The following ERC1 variants were observed in gnomAD, a reference collection of about 807,000 sequenced individuals.
The protein encoded by ERC1 is RAB6 interacting protein 2.
A neutral mutation model predicts 132.0 loss-of-function variants in ERC1; 56 were observed. That is an observed-to-expected ratio of 0.42 (90% CI 0.34 to 0.53). The LOEUF (loss-of-function observed/expected upper bound fraction) is 0.53, where lower values mean the gene tolerates loss of function less well. Among genes scored for constraint, ERC1 ranks in the 20% least tolerant of loss-of-function variants. The probability of loss-of-function intolerance (pLI) is 0.03; values close to 1 mark genes in which losing one functional copy is unlikely to be tolerated. For missense variants in ERC1, 1,202 were observed against 1,349.9 expected (o/e 0.89, Z 1.72); for synonymous variants, 478 against 476.1 (o/e 1.00, Z -0.05).
In ERC1 at chr12:1,260,307, T is replaced by C. The variant is rs539251982; in HGVS notation, c.2488-2727T>C. 6.0e-4 allele frequency among the ~76,000 whole-genome samples: 92 copies of C among 152,362 alleles called. 1 individual carries two copies. Among genetic ancestry groups the C allele is most frequent in the African/African-American group, 2.1e-3 (88 of 41,588 alleles). On this transcript the variant is annotated intron_variant, in intron 13 of 18. Coordinates refer to ENST00000360905, the MANE Select transcript of ERC1 (RefSeq NM_178040.4). ...TTAAAAACTCCAGTGTCTTCTGATTTGTTGATCTGACAAGTGATCATTTTT... is the reference window on the plus strand; with the variant it reads ...TTAAAAACTCCAGTGTCTTCTGATTCGTTGATCTGACAAGTGATCATTTTT...
At chr12:1,216,601 T>TGGGGGAGGAGGGATGGGGGG (rs1555310913) in intron 12 of ERC1, among the ~76,000 whole-genome samples, 1,215 of 8,556 alleles carry the variant, frequency 0.14, 17 homozygotes, top group African/African-American at 0.28. Context: ...CTTGGTGGGG[T>TGGGGGAGGAGGGATGGGGGG]CGGGGAGGAG....
chr12:1,371,861 G>A lies in ERC1; in HGVS notation c.2809G>A (p.Glu937Lys). ...KQEALLAAIS[E>K]KDANIALLEL... ...AGAAGCTCTTCTGGCTGCCATTAGT[G>A]AAAAAGACGCCAATATAGCTCTCTT... Residue 937 changes from glutamate to lysine, a missense_variant, in exon 16 of 19, where the codon GAA becomes AAA. Physicochemically the swap from Glu to Lys is moderately conservative, Grantham distance 56 (BLOSUM62 1). Transcript: ENST00000360905. The A allele has an allele frequency of 6.2e-7, 1 of 1,613,902 alleles. No individual in the cohort carries two copies. The highest frequency in any genetic ancestry group is 8.5e-7 in the Non-Finnish European group (1 of 1,179,976).
chr12:1,296,251 C>T (rs897995424), intron 15 of ERC1, among the ~76,000 whole-genome samples: 3 of 151,930 alleles, frequency 2.0e-5, no homozygotes, highest in African/African-American at 7.3e-5. Context: ...TTGCTTGAGC[C>T]TGGGAGATTG....
At chr12:1,327,841 ATT>A (rs113400728) in intron 15 of ERC1, among the ~76,000 whole-genome samples, 2 of 146,870 alleles carry the variant, frequency 1.4e-5, no homozygotes, top group African/African-American at 2.5e-5. Flanking sequence ...TCATCTCATC[ATT>A]TTTTTTTTTT....
Position 1,236,852 on chromosome 12 carries a change from A to G in ERC1, c.2435A>G (p.Glu812Gly), listed in dbSNP as rs1285306634. 3 of 1,614,018 alleles carry G rather than the reference A, an allele frequency of 1.9e-6. No homozygotes were observed. Among genetic ancestry groups the G allele is most frequent in the Non-Finnish European group, 2.5e-6 (3 of 1,180,012 alleles). ...AAAAAGAAGAGTGCACAAATGTTAG[A>G]GGAGGCGCGACGACGGGAGGACAAT... ...VEKKKSAQMLEEARRREDNLN... is the reference protein window; with the variant it reads ...VEKKKSAQMLGEARRREDNLN... Residue 812 changes from glutamate (E) to glycine (G), a missense_variant, in exon 13 of 19, where the codon GAG becomes GGG. Glu to Gly is a moderately conservative substitution (Grantham distance 98, BLOSUM62 -2). Transcript: ENST00000360905.
Position 1,259,520 on chromosome 12 carries a change from C to CTTTCTT in ERC1, c.2488-3511_2488-3510insCTTTTT, listed in dbSNP as rs749136473. Among the ~76,000 whole-genome samples, 450 of 113,876 alleles carry CTTTCTT rather than the reference C, an allele frequency of 4.0e-3. 6 individuals carry two copies. The highest frequency in any genetic ancestry group is 0.01 in the African/African-American group (308 of 29,952). 74.7% of individuals were successfully genotyped at this position (113,876 alleles called of 152,430 possible). On this transcript the variant is annotated intron_variant, in intron 13 of 18. Coordinates refer to ENST00000360905, the MANE Select transcript of ERC1 (RefSeq NM_178040.4). ...GTCTTGGGTATCTCTTTCTTTCTTTCTTTTTTTTTTTTTTTTTTTTTGAGA... is the reference window on the plus strand; with the variant it reads ...GTCTTGGGTATCTCTTTCTTTCTTTCTTTCTTTTTTTTTTTTTTTTTTTTTTTGAGA...
chr12:1,412,672 T>A (rs1409705196), intron 17 of ERC1, among the ~76,000 whole-genome samples: 1 of 152,192 alleles, frequency 6.6e-6, no homozygotes, highest in Non-Finnish European at 1.5e-5. Context: ...CCACCTGCCC[T>A]GTGACCTTGG....
chr12:1,011,811 G>C (rs1412646374), intron 1 of ERC1, among the ~76,000 whole-genome samples: 2 of 151,992 alleles, frequency 1.3e-5, no homozygotes, highest in Non-Finnish European at 2.9e-5. Flanking sequence ...ACTGGATATG[G>C]TTGCAAATGC....
At chr12:1,020,313 A>T (rs1966156326) in intron 1 of ERC1, among the ~76,000 whole-genome samples, 1 of 152,020 alleles carries the variant, frequency 6.6e-6, no homozygotes, top group Non-Finnish European at 1.5e-5. Flanking sequence ...AGAAATTAGC[A>T]GGGCCTGGTG....
intron 14 of ERC1, among the ~76,000 whole-genome samples, chr12:1,265,429 G>T (rs1339860167): frequency 6.6e-6 from 1 of 152,076 alleles, no homozygotes; most frequent in Admixed American, 6.5e-5. Flanking sequence ...AATAGACTTC[G>T]CAGTTTTTAG....
At chr12:1,150,910 A>G (rs1483120660) in intron 8 of ERC1, among the ~76,000 whole-genome samples, 1 of 152,220 alleles carries the variant, frequency 6.6e-6, no homozygotes, top group Non-Finnish European at 1.5e-5. Context: ...AGCAGACAGA[A>G]ACTAAGGAAA....
intron 1 of ERC1, among the ~76,000 whole-genome samples, chr12:1,004,038 TAAGG>T (rs1354774847): frequency 6.6e-6 from 1 of 152,132 alleles, no homozygotes; most frequent in Non-Finnish European, 1.5e-5. Context: ...TGGCAGCTTC[TAAGG>T]AAGATAGGGA....
chr12:1,376,028 G>T (rs1436462412), intron 16 of ERC1, among the ~76,000 whole-genome samples: 1 of 152,092 alleles, frequency 6.6e-6, no homozygotes, highest in Non-Finnish European at 1.5e-5. Flanking sequence ...GAGCCACCGT[G>T]CCCGGCCTGG....
intron 15 of ERC1, among the ~76,000 whole-genome samples, chr12:1,345,103 T>C (rs2084312143): frequency 6.6e-6 from 1 of 152,020 alleles, no homozygotes; most frequent in Non-Finnish European, 1.5e-5. Flanking sequence ...AAAATTAACA[T>C]ATAACATGCC....
intron 14 of ERC1, among the ~76,000 whole-genome samples, chr12:1,268,266 A>G (rs969472327): frequency 1.3e-5 from 2 of 152,236 alleles, no homozygotes; most frequent in Non-Finnish European, 2.9e-5. Flanking sequence ...ATATTAAGTT[A>G]TATTTCCCTC....
intron 13 of ERC1, among the ~76,000 whole-genome samples, chr12:1,242,106 C>T (rs1212083993): frequency 6.6e-6 from 1 of 152,008 alleles, no homozygotes; most frequent in South Asian, 2.1e-4. Context: ...CTCGGCCTCC[C>T]AAAGTGCTGG....
At position 1,388,330 on chromosome 12, in the gene ERC1, A is replaced by C. The variant is rs1247180621; in HGVS notation, c.2925+16353A>C. On this transcript the variant is annotated intron_variant, in intron 16 of 18. Transcript: ENST00000360905. ...GCGCCACCGCACTCCAGCCTGGGTG[A>C]CAGAGACTCTGTCTCAAAAAAAAAA... Among the ~76,000 whole-genome samples the C allele has an allele frequency of 4.1e-4, 58 of 141,326 alleles. 1 individual carries two copies. Among genetic ancestry groups the C allele is most frequent in the East Asian group, 3.4e-3 (17 of 4,984 alleles). 92.7% of individuals were successfully genotyped at this position (141,326 alleles called of 152,430 possible).
chr12:1,297,908 G>C (rs1566519231), intron 15 of ERC1, among the ~76,000 whole-genome samples: 1 of 152,100 alleles, frequency 6.6e-6, no homozygotes. Flanking sequence ...AGAATTGTAA[G>C]GTTCTTACGT....
At chr12:1,187,673 A>G (rs938723318) in intron 11 of ERC1, among the ~76,000 whole-genome samples, 2 of 152,256 alleles carry the variant, frequency 1.3e-5, no homozygotes, top group African/African-American at 4.8e-5. Flanking sequence ...CCTACCGTTT[A>G]GGCCTATGGG....
Sources: allele counts gnomAD v4.1 joint callset (sites outside exome capture counted in the v4.1 genomes callset), GRCh38; gene constraint gnomAD v4.1.1; transcripts MANE v1.5; gene names NCBI Gene and HGNC (gene_info 2026-07-23, HGNC 2026-07-21).